EDC4: variants seen among roughly 807,000 people sequenced by gnomAD.
EDC4 encodes enhancer of mRNA-decapping protein 4.
EDC4 carries 64 observed loss-of-function variants against 155.8 expected under a neutral mutation model. The observed-to-expected ratio is 0.41, with a 90% CI of 0.34 to 0.51. The LOEUF is 0.51. EDC4 is among the 20% of genes least tolerant of loss of function. The pLI, the probability that EDC4 is intolerant of heterozygous loss-of-function variation, is 0.19. For missense variants in EDC4, 1,303 were observed against 1,812.5 expected, an observed-to-expected ratio of 0.72 and a Z score of 5.10; for synonymous variants, 684 against 716.8, an observed-to-expected ratio of 0.95 and a Z score of 0.73.
chr16:67,882,747 C>T lies in EDC4; in HGVS notation c.3511C>T (p.Leu1171=), dbSNP rs1356274549. Residue 1171 remains leucine (L), a synonymous_variant, in exon 26 of 29, where the codon CTA becomes TTA. Coordinates refer to ENST00000358933, the MANE Select transcript of EDC4 (RefSeq NM_014329.5). This position sits in a 1 kb window ranked among gnomAD's most constrained non-coding sequence, Gnocchi z 7.2. The part of the protein sequence containing the change: ...AREQEAREPV[L]AQLRGLVSTL... ...GGAACAGGAGGCCAGGGAGCCTGTG[C>T]TAGCCCAGCTGCGGGGCCTGGTCAG... The T allele has an allele frequency of 2.5e-6, 4 of 1,614,136 alleles. No homozygotes were observed. The highest frequency in any genetic ancestry group is 3.4e-6 in the Non-Finnish European group (4 of 1,180,054).
At chr16:67,874,053 G>A (rs555129442) in intron 1 of EDC4, among the ~76,000 whole-genome samples, 1 of 152,312 alleles carries the variant, frequency 6.6e-6, no homozygotes, top group South Asian at 2.1e-4. Context: ...AGAAAGGAGT[G>A]TCTCGATACT....
In EDC4 at chr16:67,879,257, G is replaced by A. The variant is rs903786596; in HGVS notation, c.1489G>A (p.Ala497Thr). 2.3e-5 allele frequency: 37 copies of A among 1,614,212 alleles called. No homozygotes were observed. The highest frequency in any genetic ancestry group is 2.9e-5 in the Non-Finnish European group (34 of 1,180,032). The change falls in exon 13 of 29, where the codon GCC (alanine) becomes ACC (threonine). Residue 497 changes from alanine (A) to threonine (T), a missense_variant. Transcript: ENST00000358933. The surrounding 1 kb of genome is among the most constrained non-coding windows in gnomAD (Gnocchi z 6.0). ...TTCAGATGGTACCCATGGAGCCGGT[G>A]CCATGGAGTCTGCGGCCGGTGTGCT... Reference protein sequence around the residue: ...LGADGTHGAGAMESAAGVLIK... With the variant: ...LGADGTHGAGTMESAAGVLIK...
At position 67,880,295 on chromosome 16, in the gene EDC4, G is replaced by A; in HGVS notation, c.2097+79G>A. On this transcript the variant is annotated intron_variant, in intron 17 of 28. Coordinates refer to ENST00000358933, the MANE Select transcript of EDC4 (RefSeq NM_014329.5). This position sits in a 1 kb window ranked among gnomAD's most constrained non-coding sequence, Gnocchi z 5.2. ...GAAGGTGGGTGGTGGGCTCCTCCCA[G>A]CCCCCTGCTGCTGATCCTGCTCTAC... The A allele has an allele frequency of 6.7e-7, 1 of 1,500,890 alleles. No individual in the cohort carries two copies. Among genetic ancestry groups the A allele is most frequent in the Non-Finnish European group, 8.9e-7 (1 of 1,124,208 alleles). 93.0% of individuals were successfully genotyped at this position (1,500,890 alleles called of 1,614,324 possible). A position where few individuals can be genotyped will look rare whatever the true frequency, so the allele number is the denominator to read the frequency against.
chr16:67,882,509 G>A lies in EDC4; in HGVS notation c.3357G>A (p.Gln1119=). 6.2e-7 allele frequency: 1 copy of A among 1,614,246 alleles called. No individual in the cohort carries two copies. The highest frequency in any genetic ancestry group is 1.3e-5 in the African/African-American group (1 of 75,056). ...PMQAAYREAF[Q]SVVLPAFEKS... Reference sequence around the variant, plus strand: ...AGGCTGCCTACCGGGAAGCCTTCCAGAGTGTGGTGCTGCCGGCCTTTGAGA... The same window carrying A: ...AGGCTGCCTACCGGGAAGCCTTCCAAAGTGTGGTGCTGCCGGCCTTTGAGA... The change falls in exon 25 of 29, where the codon CAG becomes CAA. Residue 1119 remains glutamine, a synonymous_variant. Coordinates refer to ENST00000358933, the MANE Select transcript of EDC4 (RefSeq NM_014329.5). The surrounding 1 kb of genome is among the most constrained non-coding windows in gnomAD (Gnocchi z 7.2).
rs2058039021 is a variant in EDC4, at chr16:67,875,816, C to A, written c.83-129C>A. On this transcript the variant is annotated intron_variant, in intron 1 of 28. Transcript: ENST00000358933. Reference sequence around the variant, plus strand: ...CGAGAGATGAACACAGGGCCCTCCTCCTCATGGACATGCTTTGCTCAGTTG... The same window carrying A: ...CGAGAGATGAACACAGGGCCCTCCTACTCATGGACATGCTTTGCTCAGTTG... 7 of 1,494,040 alleles carry A rather than the reference C, an allele frequency of 4.7e-6. No homozygotes were observed. The Admixed American group carries it at 1.1e-4, about 24-fold the overall frequency. The allele number at this position is 1,494,040 out of a possible 1,614,324, so 92.5% of individuals were successfully genotyped here.
rs759996347 is a variant in EDC4, at chr16:67,881,021, A to G, written c.2531+31A>G. On this transcript the variant is annotated intron_variant, in intron 18 of 28. Transcript: ENST00000358933. This position sits in a 1 kb window ranked among gnomAD's most constrained non-coding sequence, Gnocchi z 5.4. ...GAGCTTGGGAGGGGAAAAGTGTGCT[A>G]GCAGGAGGGGCTTCAGATAGATTCA... The G allele has an allele frequency of 6.2e-7, 1 of 1,613,816 alleles. No homozygotes were observed. The highest frequency in any genetic ancestry group is 1.7e-5 in the Admixed American group (1 of 60,026).
At position 67,877,974 on chromosome 16, in the gene EDC4, G is replaced by C; in HGVS notation, c.894+129G>C. 1 of 1,500,006 alleles carries C rather than the reference G, an allele frequency of 6.7e-7. No homozygotes were observed. Among genetic ancestry groups the C allele is most frequent in the East Asian group, 2.5e-5 (1 of 40,676 alleles). The allele number at this position is 1,500,006 out of a possible 1,614,324, so 92.9% of individuals were successfully genotyped here. On this transcript the variant is annotated intron_variant, in intron 7 of 28. Transcript: ENST00000358933. This position sits in a 1 kb window ranked among gnomAD's most constrained non-coding sequence, Gnocchi z 4.9. ...CCGTGGGGACTCTGAGCTCAAATTG[G>C]CCCTCACCTGTGCAGCTTTCTCCTT...
Position 67,883,182 on chromosome 16 carries a change from G to T in EDC4, c.3849+5G>T. The T allele has an allele frequency of 1.3e-6, 2 of 1,565,480 alleles. No homozygotes were observed. The highest frequency in any genetic ancestry group is 1.7e-6 in the Non-Finnish European group (2 of 1,156,850). On this transcript the variant is annotated splice_donor_5th_base_variant and intron_variant, in intron 27 of 28. Coordinates refer to ENST00000358933, the MANE Select transcript of EDC4 (RefSeq NM_014329.5). This position sits in a 1 kb window ranked among gnomAD's most constrained non-coding sequence, Gnocchi z 5.3. The stretch of plus-strand genomic sequence containing the variant: ...CTCAATCAGGCCTTCCAGCAGGTAC[G>T]ATAGGCATTAGGCCCTGCTAAGGGT...
Position 67,876,135 on chromosome 16 carries a change from G to T in EDC4, c.239+34G>T, listed in dbSNP as rs191584213. 21 of 1,604,380 alleles carry T rather than the reference G, an allele frequency of 1.3e-5. No individual in the cohort carries two copies. In the Admixed American group the frequency reaches 2.3e-4, roughly 18 times the overall value. The stretch of plus-strand genomic sequence containing the variant: ...CTAGGAGACGACAATAGTGGTGATG[G>T]TGTATTTGGGGTGTCTGCTAGCTGA... On this transcript the variant is annotated intron_variant, in intron 2 of 28. Transcript: ENST00000358933. This position sits in a 1 kb window ranked among gnomAD's most constrained non-coding sequence, Gnocchi z 5.8.
At position 67,876,269 on chromosome 16, in the gene EDC4, A is replaced by G. The variant is rs1272156566; in HGVS notation, c.239+168A>G. On this transcript the variant is annotated intron_variant, in intron 2 of 28. Coordinates refer to ENST00000358933, the MANE Select transcript of EDC4 (RefSeq NM_014329.5). This position sits in a 1 kb window ranked among gnomAD's most constrained non-coding sequence, Gnocchi z 5.8. ...TAGGATGAGAGGCAAGGACAAGCTCAGGGGTTTGGCCTGGATACCTGGTTT... is the reference window on the plus strand; with the variant it reads ...TAGGATGAGAGGCAAGGACAAGCTCGGGGGTTTGGCCTGGATACCTGGTTT... Among the ~76,000 whole-genome samples the G allele has an allele frequency of 6.6e-6, 1 of 152,134 alleles. No homozygotes were observed. The highest frequency in any genetic ancestry group is 1.5e-5 in the Non-Finnish European group (1 of 68,026).
At position 67,882,988 on chromosome 16, in the gene EDC4, G is replaced by C; in HGVS notation, c.3660G>C (p.Gln1220His). Residue 1220 changes from glutamine (Q) to histidine (H), a missense_variant, in exon 27 of 29, where the codon CAG becomes CAC. Transcript: ENST00000358933. The surrounding 1 kb of genome is among the most constrained non-coding windows in gnomAD (Gnocchi z 7.2). Reference sequence around the variant, plus strand: ...AGGAGTCCATTTTAGCACAGGTACAGCGCATCGTTAAGGGTGAGGTGAGTG... The same window carrying C: ...AGGAGTCCATTTTAGCACAGGTACACCGCATCGTTAAGGGTGAGGTGAGTG... ...SLQESILAQV[Q>H]RIVKGEVSVA... is the part of the protein sequence containing the mutation. 1.2e-6 allele frequency: 2 copies of C among 1,614,202 alleles called. No individual in the cohort carries two copies. Among genetic ancestry groups the C allele is most frequent in the Non-Finnish European group, 1.7e-6 (2 of 1,180,014 alleles).
chr16:67,877,372 G>C lies in EDC4; in HGVS notation c.607G>C (p.Val203Leu), dbSNP rs371506372. 2.9e-5 allele frequency: 47 copies of C among 1,613,672 alleles called. No homozygotes were observed. The highest frequency in any genetic ancestry group is 3.8e-5 in the Non-Finnish European group (45 of 1,179,926). The change falls in exon 5 of 29, where the codon GTG (valine) becomes CTG (leucine). Residue 203 changes from valine to leucine, a missense_variant. Transcript: ENST00000358933. This position sits in a 1 kb window ranked among gnomAD's most constrained non-coding sequence, Gnocchi z 4.9. ...ACLDEAGNLF[V>L]WRLALVNGKI... Reference sequence around the variant, plus strand: ...CCTGGATGAGGCAGGCAACCTGTTCGTGTGGCGCTTGGCTCTGGTTAATGG... The same window carrying C: ...CCTGGATGAGGCAGGCAACCTGTTCCTGTGGCGCTTGGCTCTGGTTAATGG...
At position 67,881,346 on chromosome 16, in the gene EDC4, C is replaced by A. The variant is rs372269354; in HGVS notation, c.2718C>A (p.Ala906=). The A allele has an allele frequency of 9.9e-6, 16 of 1,614,038 alleles. No homozygotes were observed. In the African/African-American group the frequency reaches 1.1e-4, roughly 11 times the overall value. Residue 906 remains alanine, a synonymous_variant, in exon 20 of 29, where the codon GCC becomes GCA. Transcript: ENST00000358933. The surrounding 1 kb of genome is among the most constrained non-coding windows in gnomAD (Gnocchi z 5.4). The part of the protein sequence containing the change: ...GTKVPAPRLP[A]KDWKTKGSPR... Reference sequence around the variant, plus strand: ...AAGTTCCTGCTCCACGGCTGCCTGCCAAGGACTGGAAGACCAAGGGATCCC... The same window carrying A: ...AAGTTCCTGCTCCACGGCTGCCTGCAAAGGACTGGAAGACCAAGGGATCCC...
Position 67,884,223 on chromosome 16 carries a change from C to T in EDC4, c.*75C>T, listed in dbSNP as rs2058083655. The T allele has an allele frequency of 7.9e-6, 11 of 1,401,004 alleles. No homozygotes were observed. The highest frequency in any genetic ancestry group is 2.5e-5 in the East Asian group (1 of 40,056). The allele number at this position is 1,401,004 out of a possible 1,614,324, so 86.8% of individuals were successfully genotyped here. A position where few individuals can be genotyped will look rare whatever the true frequency, so the allele number is the denominator to read the frequency against. The stretch of plus-strand genomic sequence containing the variant: ...ACAGGCCTAGGCTGGGGCAGGGTCA[C>T]GGCTGGCCTTTACCTGCTCAGGCCC... On this transcript the variant is annotated 3_prime_UTR_variant, in exon 29 of 29. Coordinates refer to ENST00000358933, the MANE Select transcript of EDC4 (RefSeq NM_014329.5). This position sits in a 1 kb window ranked among gnomAD's most constrained non-coding sequence, Gnocchi z 4.1.
rs2058051319 is a variant in EDC4 at position 67,878,489 on chromosome 16, C to T, written c.1088+46C>T. On this transcript the variant is annotated intron_variant, in intron 9 of 28. Coordinates refer to ENST00000358933, the MANE Select transcript of EDC4 (RefSeq NM_014329.5). This position sits in a 1 kb window ranked among gnomAD's most constrained non-coding sequence, Gnocchi z 5.2. ...GTGGGTGGTGGGCTGGACCATGGCT[C>T]CCAGCAGGGGCCCCAGCCAGTCACT... The T allele has an allele frequency of 6.2e-7, 1 of 1,614,208 alleles. No homozygotes were observed. Among genetic ancestry groups the T allele is most frequent in the South Asian group, 1.1e-5 (1 of 91,084 alleles).
rs373416466 is a variant in EDC4, at chr16:67,875,975, G to T, written c.113G>T (p.Ser38Ile). The change falls in exon 2 of 29, where the codon AGT (serine) becomes ATT (isoleucine). Residue 38 changes from serine (S) to isoleucine (I), a missense_variant. Physicochemically the swap from Ser to Ile is moderately radical, Grantham distance 142 (BLOSUM62 -2). Around this residue, in one of 5 missense-constraint regions of EDC4, gnomAD observed 99 missense variants for 121.3 expected, o/e 0.82. Coordinates refer to ENST00000358933, the MANE Select transcript of EDC4 (RefSeq NM_014329.5). ...GPSAESPRPS[S>I]AYNGDLNGLL... is the part of the protein sequence containing the mutation. Reference sequence around the variant, plus strand: ...AGTGCAGAGAGCCCACGGCCATCCAGTGCCTACAATGGGGACCTCAATGGA... The same window carrying T: ...AGTGCAGAGAGCCCACGGCCATCCATTGCCTACAATGGGGACCTCAATGGA... 1.9e-6 allele frequency: 3 copies of T among 1,614,076 alleles called. No individual in the cohort carries two copies. Among genetic ancestry groups the T allele is most frequent in the Non-Finnish European group, 2.5e-6 (3 of 1,180,016 alleles).
chr16:67,878,431 A>G lies in EDC4; in HGVS notation c.1076A>G (p.Lys359Arg). 1 of 1,614,182 alleles carries G rather than the reference A, an allele frequency of 6.2e-7. No homozygotes were observed. Among genetic ancestry groups the G allele is most frequent in the Non-Finnish European group, 8.5e-7 (1 of 1,180,022 alleles). ...CTCCTGTTCTGTGACAACCATAAGA[A>G]ACAAGACCCTGAGTGAGTGAGTGGG... ...SCLLFCDNHK[K>R]QDPDVPFWRF... is the part of the protein sequence containing the mutation. Residue 359 changes from lysine (K) to arginine (R), a missense_variant, in exon 9 of 29, where the codon AAA becomes AGA. Lys to Arg is a conservative substitution (Grantham distance 26, BLOSUM62 2). This residue lies in a region of EDC4 where 235 missense variants were observed against 367.7 expected (regional missense o/e 0.64). Coordinates refer to ENST00000358933, the MANE Select transcript of EDC4 (RefSeq NM_014329.5). The surrounding 1 kb of genome is among the most constrained non-coding windows in gnomAD (Gnocchi z 5.2).
At chr16:67,873,365 G>A in intron 1 of EDC4, 22 bp downstream of exon 1, 1 of 1,429,836 alleles carries the variant, frequency 7.0e-7, no homozygotes, top group Non-Finnish European at 9.1e-7. Context: ...TTGCGGGGGT[G>A]GGCCCCAGGC....
Position 67,878,776 on chromosome 16 carries a change from T to G in EDC4, c.1224T>G (p.Pro408=), listed in dbSNP as rs780754033. 2 of 1,614,158 alleles carry G rather than the reference T, an allele frequency of 1.2e-6. No homozygotes were observed. The highest frequency in any genetic ancestry group is 2.7e-5 in the African/African-American group (2 of 75,034). ...PDIFSSVSVP[P]SLKVCLDLSA... ...TCTTCAGCTCAGTGAGTGTGCCCCC[T>G]AGCCTCAAGGTTTGCTTGGACCTCT... The change falls in exon 11 of 29, where the codon CCT becomes CCG. Residue 408 remains proline (P), a synonymous_variant. Coordinates refer to ENST00000358933, the MANE Select transcript of EDC4 (RefSeq NM_014329.5). The surrounding 1 kb of genome is among the most constrained non-coding windows in gnomAD (Gnocchi z 5.2).
Sources: allele counts gnomAD v4.1 joint callset (sites outside exome capture counted in the v4.1 genomes callset), GRCh38; gene constraint gnomAD v4.1.1; regional missense constraint gnomAD v4.1.1; non-coding constraint Gnocchi (gnomAD v3.1); transcripts MANE v1.5; gene names NCBI Gene and HGNC (gene_info 2026-07-23, HGNC 2026-07-21).